The following RBM18 variants were observed in gnomAD, a reference collection of about 807,000 sequenced individuals.
The protein encoded by RBM18 is RNA binding motif protein 18, also known as probable RNA-binding protein 18.
Under a neutral mutation model 26.4 loss-of-function variants are expected in RBM18, and 18 were observed. That is an observed-to-expected ratio of 0.68 (90% CI 0.47 to 1.01). RBM18 has a LOEUF of 1.01. Ranked by LOEUF, RBM18 falls within the 50% of genes least tolerant of loss-of-function variation. The probability of loss-of-function intolerance (pLI) is 0.00; values close to 1 mark genes in which losing one functional copy is unlikely to be tolerated. For synonymous variants in RBM18, 74 were observed against 81.1 expected (o/e 0.91, Z 0.47); for missense variants, 180 against 219.2 (o/e 0.82, Z 1.13).
At chr9:122,247,493 T>C in intron 4 of RBM18, 25 bp downstream of exon 4, 1 of 1,590,808 alleles carries the variant, frequency 6.3e-7, no homozygotes, top group Non-Finnish European at 8.6e-7. Flanking sequence ...TGAGGCTTGA[T>C]GTCTTTCTAG....
chr9:122,243,162 G>C (rs1209307770), intron 5 of RBM18, among the ~76,000 whole-genome samples: 1 of 151,856 alleles, frequency 6.6e-6, no homozygotes, highest in Non-Finnish European at 1.5e-5. Flanking sequence ...TGTAGAGATG[G>C]AGTCTCACTA....
At chr9:122,243,863 G>A (rs911904992) in intron 5 of RBM18, 1 of 985,182 alleles carries the variant, frequency 1.0e-6, no homozygotes, top group Non-Finnish European at 1.2e-6. Context: ...TGTAAGCTGA[G>A]GTCCTCTGGA....
At chr9:122,250,935 T>TATC (rs1348880700) in intron 3 of RBM18, among the ~76,000 whole-genome samples, 2 of 151,384 alleles carry the variant, frequency 1.3e-5, no homozygotes, top group Non-Finnish European at 2.9e-5. Context: ...TTATTATTAT[T>TATC]ATGAGATGGA....
intron 5 of RBM18, chr9:122,243,654 T>C (rs1831460200): frequency 3.5e-6 from 3 of 847,052 alleles, no homozygotes; most frequent in South Asian, 5.4e-5. Context: ...GGAAGGAGTA[T>C]ATACATGGGC....
chr9:122,251,585 C>T (rs926930735), intron 3 of RBM18, among the ~76,000 whole-genome samples: 1 of 152,154 alleles, frequency 6.6e-6, no homozygotes, highest in African/African-American at 2.4e-5. Flanking sequence ...TACATGTGCT[C>T]GATGTGGGCA....
At position 122,245,240 on chromosome 9, in the gene RBM18, T is replaced by C. The variant is rs756032890; in HGVS notation, c.413+16A>G. 5 of 1,473,778 alleles carry C rather than the reference T, an allele frequency of 3.4e-6. No individual in the cohort carries two copies. Among genetic ancestry groups the C allele is most frequent in the South Asian group, 2.3e-5 (2 of 86,994 alleles). The allele number at this position is 1,473,778 out of a possible 1,614,324, so 91.3% of individuals were successfully genotyped here. ...GCTCCTGAATTACTGTGTCTTTCTA[T>C]AGTACATCATCTTACCTTAGGTTAG... On this transcript the variant is annotated intron_variant, in intron 5 of 5. Coordinates refer to ENST00000417201, the MANE Select transcript of RBM18 (RefSeq NM_033117.4).
At chr9:122,253,961 G>C (rs1831646237) in intron 2 of RBM18, among the ~76,000 whole-genome samples, 1 of 151,184 alleles carries the variant, frequency 6.6e-6, no homozygotes, top group South Asian at 2.1e-4. Context: ...CCGGGAGGCA[G>C]AGGTTGCAGT....
In RBM18 at chr9:122,245,307, G is replaced by A. The variant is rs376963049; in HGVS notation, c.362C>T (p.Pro121Leu). ...GCTTGAGGATGGCTCGAGACTGATT[G>A]GAAGAATCTTATCATTCTTGTTATG... is the stretch of plus-strand genomic sequence containing the variant. ...YDHNKNDKILPISLEPSSSTE... is the reference protein window; with the variant it reads ...YDHNKNDKILLISLEPSSSTE... Residue 121 changes from proline to leucine, a missense_variant, in exon 5 of 6, where the codon CCA becomes CTA. Pro to Leu is a moderately conservative substitution (Grantham distance 98, BLOSUM62 -3). Around this residue, in one of 3 missense-constraint regions of RBM18, gnomAD observed 103 missense variants for 102.8 expected, o/e 1.00. Coordinates refer to ENST00000417201, the MANE Select transcript of RBM18 (RefSeq NM_033117.4). 4 of 1,610,248 alleles carry A rather than the reference G, an allele frequency of 2.5e-6. No individual in the cohort carries two copies. The South Asian group carries it at 4.4e-5, about 18-fold the overall frequency.
chr9:122,239,534 T>A lies in RBM18; in HGVS notation c.*2350A>T, dbSNP rs1270997644. ...ATATAAATCAAAATTATAAGTGACA[T>A]AATTTTAGCAAACCAAAATAACCAG... On this transcript the variant is annotated 3_prime_UTR_variant, in exon 6 of 6. Coordinates refer to ENST00000417201, the MANE Select transcript of RBM18 (RefSeq NM_033117.4). The A allele has an allele frequency of 6.6e-6, 1 of 152,240 alleles. No homozygotes were observed. The highest frequency in any genetic ancestry group is 1.9e-4 in the East Asian group (1 of 5,202). 9.4% of individuals were successfully genotyped at this position (152,240 alleles called of 1,614,324 possible).
At chr9:122,247,786 T>C (rs1266866618) in intron 3 of RBM18, among the ~76,000 whole-genome samples, 182 bp from the exon 4 acceptor site, 2 of 11,470 alleles carry the variant, frequency 1.7e-4, no homozygotes, top group Admixed American at 9.0e-3. Flanking sequence ...TTTTTTGTTG[T>C]TTTTTTTTTT....
intron 2 of RBM18, among the ~76,000 whole-genome samples, chr9:122,258,767 C>T (rs909200154): frequency 6.6e-6 from 1 of 151,888 alleles, no homozygotes; most frequent in Admixed American, 6.6e-5. Flanking sequence ...ACTGAGACCC[C>T]TGTCTCTACA....
intron 3 of RBM18, among the ~76,000 whole-genome samples, chr9:122,250,129 T>C (rs1831576610): frequency 1.3e-5 from 2 of 149,704 alleles, no homozygotes; most frequent in Admixed American, 6.7e-5. Context: ...TCCCTCAAAA[T>C]ACTTGAACAA....
chr9:122,259,937 G>A (rs1442877161), intron 2 of RBM18, among the ~76,000 whole-genome samples: 2 of 151,976 alleles, frequency 1.3e-5, no homozygotes, highest in East Asian at 1.9e-4. Context: ...CAAGTGATTC[G>A]CCTGCCTCGT....
chr9:122,254,401 G>T, intron 2 of RBM18: 1 of 599,298 alleles, frequency 1.7e-6, no homozygotes, highest in Non-Finnish European at 2.1e-6. Context: ...TTACTATTTT[G>T]CTTCCTGGAG....
intron 1 of RBM18, 126 bp downstream of exon 1, chr9:122,264,589 T>C (rs973077244): frequency 6.6e-6 from 1 of 152,288 alleles, no homozygotes; most frequent in Non-Finnish European, 1.5e-5. Context: ...CGGATTGTTA[T>C]TTCCGGGCCA....
At chr9:122,252,961 G>A (rs1417249636) in intron 2 of RBM18, among the ~76,000 whole-genome samples, 1 of 152,204 alleles carries the variant, frequency 6.6e-6, no homozygotes, top group Non-Finnish European at 1.5e-5. Context: ...ATGTGGGGGT[G>A]AGACAAACCA....
chr9:122,250,563 T>C (rs1831583450), intron 3 of RBM18, among the ~76,000 whole-genome samples: 1 of 152,184 alleles, frequency 6.6e-6, no homozygotes, highest in Non-Finnish European at 1.5e-5. Flanking sequence ...AGATTAATGA[T>C]TTTACTCCCC....
chr9:122,264,384 A>G (rs972609477), intron 1 of RBM18, among the ~76,000 whole-genome samples: 2 of 152,216 alleles, frequency 1.3e-5, no homozygotes, highest in African/African-American at 4.8e-5. Context: ...AGACTACCAG[A>G]GTTCACAAAA....
rs1831358518 is a variant in RBM18 at position 122,238,164 on chromosome 9, TCTCTTAAGGC to T, written c.*3710_*3719del. 1.3e-5 allele frequency: 2 copies of T among 152,188 alleles called. No individual in the cohort carries two copies. The highest frequency in any genetic ancestry group is 2.9e-5 in the Non-Finnish European group (2 of 68,040). The allele number at this position is 152,188 out of a possible 1,614,324, so 9.4% of individuals were successfully genotyped here. A position where few individuals can be genotyped will look rare whatever the true frequency, so the allele number is the denominator to read the frequency against. On this transcript the variant is annotated 3_prime_UTR_variant, in exon 6 of 6. Transcript: ENST00000417201. ...ACAATGAGGGGGCTATATGAGATGG[TCTCTTAAGGC>T]CCTTTGGCTCTCAAATACCAGAATT...
Sources: allele counts gnomAD v4.1 joint callset (sites outside exome capture counted in the v4.1 genomes callset), GRCh38; gene constraint gnomAD v4.1.1; regional missense constraint gnomAD v4.1.1; transcripts MANE v1.5; gene names NCBI Gene and HGNC (gene_info 2026-07-23, HGNC 2026-07-21).